PDGFC: variants seen among roughly 807,000 people sequenced by gnomAD.
PDGFC encodes platelet-derived growth factor C.
PDGFC carries 12 observed loss-of-function variants against 35.5 expected under a neutral mutation model. The observed-to-expected ratio is 0.34, with a 90% CI of 0.22 to 0.55. The LOEUF is 0.55. Ranked by LOEUF, PDGFC falls within the 20% of genes least tolerant of loss-of-function variation. The pLI is 0.91. For missense variants in PDGFC, 322 were observed against 412.4 expected, an observed-to-expected ratio of 0.78 and a Z score of 1.90; for synonymous variants, 159 against 148.8, an observed-to-expected ratio of 1.07 and a Z score of -0.50.
intron 1 of PDGFC, among the ~76,000 whole-genome samples, chr4:156,879,331 A>G (rs1262961776): frequency 2.0e-5 from 3 of 152,222 alleles, no homozygotes; most frequent in Admixed American, 6.5e-5. Context: ...AGCTTCCAAG[A>G]TATAAAATCA....
intron 1 of PDGFC, among the ~76,000 whole-genome samples, chr4:156,955,619 A>C (rs1447738875): frequency 6.6e-6 from 1 of 152,020 alleles, no homozygotes; most frequent in East Asian, 1.9e-4. Flanking sequence ...AAACCTGATT[A>C]ATTTATGAAT....
At chr4:156,821,535 T>G (rs571910569) in intron 2 of PDGFC, among the ~76,000 whole-genome samples, 2 of 151,944 alleles carry the variant, frequency 1.3e-5, no homozygotes, top group Non-Finnish European at 2.9e-5. Context: ...ACCACCACTC[T>G]CTACGTATAT....
intron 1 of PDGFC, among the ~76,000 whole-genome samples, chr4:156,896,947 T>C (rs758068842): frequency 7.2e-5 from 11 of 152,342 alleles, no homozygotes; most frequent in Non-Finnish European, 1.2e-4. Context: ...AATGTGTCTA[T>C]TGACCATCTG....
chr4:156,958,239 GT>G (rs999120986), intron 1 of PDGFC, among the ~76,000 whole-genome samples: 11 of 151,644 alleles, frequency 7.3e-5, no homozygotes, highest in African/African-American at 2.7e-4. Context: ...AGAAGTGTGA[GT>G]TGTTTTCAAG....
At chr4:156,861,459 G>A in intron 1 of PDGFC, 1 of 1,263,756 alleles carries the variant, frequency 7.9e-7, no homozygotes, top group South Asian at 1.3e-5. Context: ...TCTTTTCTAT[G>A]CCAGTCCAGA....
chr4:156,965,630 T>C (rs1579131067), intron 1 of PDGFC, among the ~76,000 whole-genome samples: 1 of 151,900 alleles, frequency 6.6e-6, no homozygotes, highest in Non-Finnish European at 1.5e-5. Flanking sequence ...CAGGGGCAAA[T>C]GACTGGAAGT....
chr4:156,871,846 T>G (rs1459798256), intron 1 of PDGFC, among the ~76,000 whole-genome samples: 1 of 151,970 alleles, frequency 6.6e-6, no homozygotes, highest in Non-Finnish European at 1.5e-5. Context: ...AGTCATGTTT[T>G]GCACACAGAA....
Position 156,971,750 on chromosome 4 carries a change from T to G in PDGFC, c.-847A>C, listed in dbSNP as rs1434519694. Among the ~76,000 whole-genome samples, 1 of 151,616 alleles carries G rather than the reference T, an allele frequency of 6.6e-6. No individual in the cohort carries two copies. The highest frequency in any genetic ancestry group is 1.5e-5 in the Non-Finnish European group (1 of 67,896). ...GTTCCCCGTCCCCTCCCCCCACGCCTCGGGCTCCGCGCTAACCTCGGGGCT... is the reference window on the plus strand; with the variant it reads ...GTTCCCCGTCCCCTCCCCCCACGCCGCGGGCTCCGCGCTAACCTCGGGGCT... On this transcript the variant is annotated 5_prime_UTR_variant, in exon 1 of 6. Coordinates refer to ENST00000502773, the MANE Select transcript of PDGFC (RefSeq NM_016205.3).
At chr4:156,771,462 C>T (rs958342406) in intron 4 of PDGFC, among the ~76,000 whole-genome samples, 10 of 152,144 alleles carry the variant, frequency 6.6e-5, no homozygotes, top group Non-Finnish European at 1.5e-4. Context: ...GTAAGTTATT[C>T]ATCAAGTTAT....
At chr4:156,866,023 G>A (rs1729832807) in intron 1 of PDGFC, among the ~76,000 whole-genome samples, 1 of 152,032 alleles carries the variant, frequency 6.6e-6, no homozygotes, top group African/African-American at 2.4e-5. Flanking sequence ...TGTTACATAT[G>A]TATACATGTG....
chr4:156,787,948 G>A (rs865814117), intron 3 of PDGFC, among the ~76,000 whole-genome samples: 1 of 152,144 alleles, frequency 6.6e-6, no homozygotes, highest in African/African-American at 2.4e-5. Flanking sequence ...TAAGGTAACA[G>A]TCTAGGAGAG....
chr4:156,910,906 T>C (rs1465048829), intron 1 of PDGFC, among the ~76,000 whole-genome samples: 3 of 152,218 alleles, frequency 2.0e-5, no homozygotes, highest in Admixed American at 2.0e-4. Flanking sequence ...GTTTTTACAG[T>C]TGAGTTTTGA....
At chr4:156,894,949 C>T (rs544774521) in intron 1 of PDGFC, among the ~76,000 whole-genome samples, 2 of 152,106 alleles carry the variant, frequency 1.3e-5, no homozygotes, top group Non-Finnish European at 2.9e-5. Flanking sequence ...ACTAATTCTG[C>T]ATGCAAATGA....
At chr4:156,868,592 A>C (rs1729903220) in intron 1 of PDGFC, among the ~76,000 whole-genome samples, 1 of 152,236 alleles carries the variant, frequency 6.6e-6, no homozygotes, top group Non-Finnish European at 1.5e-5. Context: ...AGTATCACTT[A>C]AAACAGCAAG....
chr4:156,780,865 C>G (rs1176007019), intron 3 of PDGFC, among the ~76,000 whole-genome samples: 2 of 152,112 alleles, frequency 1.3e-5, no homozygotes. Flanking sequence ...TACTAACTGA[C>G]CAATCAGTGT....
chr4:156,949,359 C>CT (rs201001684), intron 1 of PDGFC, among the ~76,000 whole-genome samples: 6 of 148,506 alleles, frequency 4.0e-5, no homozygotes, highest in East Asian at 2.0e-4. Flanking sequence ...CTAATGTGTA[C>CT]TTTTTTTTTT....
At chr4:156,944,437 C>T (rs1173478698) in intron 1 of PDGFC, among the ~76,000 whole-genome samples, 1 of 152,070 alleles carries the variant, frequency 6.6e-6, no homozygotes, top group Non-Finnish European at 1.5e-5. Context: ...TTCTATTGAT[C>T]TACTCACATG....
intron 1 of PDGFC, among the ~76,000 whole-genome samples, chr4:156,947,969 C>T (rs1731986507): frequency 6.6e-6 from 1 of 151,896 alleles, no homozygotes; most frequent in South Asian, 2.1e-4. Flanking sequence ...ATCTGCTAGT[C>T]TCAATAAGTG....
intron 1 of PDGFC, among the ~76,000 whole-genome samples, chr4:156,956,037 G>A (rs1172357530): frequency 4.6e-5 from 7 of 151,980 alleles, no homozygotes; most frequent in Non-Finnish European, 7.4e-5. Context: ...CATATGTCTA[G>A]TGTAATACAA....
Sources: allele counts gnomAD v4.1 joint callset (sites outside exome capture counted in the v4.1 genomes callset), GRCh38; gene constraint gnomAD v4.1.1; transcripts MANE v1.5; gene names NCBI Gene and HGNC (gene_info 2026-07-23, HGNC 2026-07-21).